DEPDC4: variants seen among roughly 807,000 people sequenced by gnomAD.
The protein encoded by DEPDC4 is DEP domain-containing protein 4.
In DEPDC4, 52 loss-of-function variants were observed where a neutral mutation model predicts 52.0. That is an observed-to-expected ratio of 1.00 (90% CI 0.80 to 1.26). The LOEUF (loss-of-function observed/expected upper bound fraction) is 1.26. Ranked by LOEUF, DEPDC4 falls within the 50% of genes most tolerant of loss-of-function variation. DEPDC4 has a pLI of 0.00. For missense variants in DEPDC4, 530 were observed against 546.9 expected (o/e 0.97, Z 0.31); for synonymous variants, 201 against 196.8 (o/e 1.02, Z -0.18).
upstream of DEPDC4, among the ~76,000 whole-genome samples, chr12:100,268,183 A>G (rs1028481809): frequency 6.6e-5 from 10 of 152,196 alleles, no homozygotes; most frequent in Admixed American, 3.3e-4. Context: ...GGTGTCAACT[A>G]TTTTTTAGTA....
chr12:100,266,125 C>T (rs950988601), intron 1 of DEPDC4, among the ~76,000 whole-genome samples: 1 of 152,032 alleles, frequency 6.6e-6, no homozygotes, highest in Admixed American at 6.6e-5. Flanking sequence ...AAGGGAATAA[C>T]TTAGAACTTC....
rs145351198 is a variant in DEPDC4 at position 100,256,299 on chromosome 12, G to A, written c.701-73C>T. The stretch of plus-strand genomic sequence containing the variant: ...ACACATTCAACCAATATTATAAATC[G>A]TTCTATTTCTAAATAATACAAAAGT... On this transcript the variant is annotated intron_variant, in intron 3 of 9. Transcript: ENST00000550587. 4.6e-4 allele frequency: 516 copies of A among 1,127,760 alleles called. 1 individual carries two copies. Among genetic ancestry groups the A allele is most frequent in the Non-Finnish European group, 5.4e-4 (432 of 799,694 alleles). The allele number at this position is 1,127,760 out of a possible 1,614,324, so 69.9% of individuals were successfully genotyped here. A position where few individuals can be genotyped will look rare whatever the true frequency, so the allele number is the denominator to read the frequency against.
chr12:100,258,396 G>C lies in DEPDC4; in HGVS notation c.701-2170C>G, dbSNP rs180939701. Among the ~76,000 whole-genome samples the C allele has an allele frequency of 2.0e-4, 31 of 152,176 alleles. No homozygotes were observed. In the East Asian group the frequency reaches 4.6e-3, roughly 23 times the overall value. ...TGAATAAGAGATCGGAATTAGAACA[G>C]AGAAGGTAGAGTTAGGGAGAAATGG... is the stretch of plus-strand genomic sequence containing the variant. On this transcript the variant is annotated intron_variant, in intron 3 of 9. Coordinates refer to ENST00000550587, the MANE Select transcript of DEPDC4 (RefSeq NM_001364818.2).
chr12:100,263,300 G>A (rs753881250), intron 2 of DEPDC4, among the ~76,000 whole-genome samples, 197 bp downstream of exon 2: 20 of 152,064 alleles, frequency 1.3e-4, no homozygotes, highest in Non-Finnish European at 1.9e-4. Flanking sequence ...ACAAAGTTGT[G>A]CAGCCATCAC....
the DEPDC4 span, among the ~76,000 whole-genome samples, chr12:100,276,868 C>A: frequency 6.6e-6 from 1 of 151,910 alleles, no homozygotes; most frequent in African/African-American, 2.4e-5. Flanking sequence ...TTTTAAACTC[C>A]CTAATATAAA....
chr12:100,251,939 A>G (rs1566315518), intron 7 of DEPDC4, among the ~76,000 whole-genome samples: 1 of 152,050 alleles, frequency 6.6e-6, no homozygotes. Flanking sequence ...GGCTCTAGTG[A>G]TCCACATGCC....
At chr12:100,260,653 A>G (rs942110473) in intron 3 of DEPDC4, among the ~76,000 whole-genome samples, 8 of 149,788 alleles carry the variant, frequency 5.3e-5, no homozygotes, top group Admixed American at 4.0e-4. Context: ...AGGCGGGTGG[A>G]TAACTTGAGG....
upstream of DEPDC4, among the ~76,000 whole-genome samples, chr12:100,271,380 G>C (rs1488308715): frequency 1.3e-5 from 2 of 151,374 alleles, no homozygotes; most frequent in Non-Finnish European, 2.9e-5. Flanking sequence ...CCCAGATTTT[G>C]TGAAGTATTT....
Position 100,259,081 on chromosome 12 carries a change from A to AATATATATATATATAT in DEPDC4, c.701-2856_701-2855insATATATATATATATAT, listed in dbSNP as rs1555312802. Among the ~76,000 whole-genome samples the AATATATATATATATAT allele has an allele frequency of 1.2e-4, 18 of 149,186 alleles. 1 individual carries two copies. The highest frequency in any genetic ancestry group is 4.0e-4 in the Admixed American group (6 of 15,046). The stretch of plus-strand genomic sequence containing the variant: ...GCAAAAATCTGTCTCAAAAAAAAAA[A>AATATATATATATATAT]ATATATATATATATCCCATGTACCC... On this transcript the variant is annotated intron_variant, in intron 3 of 9. Coordinates refer to ENST00000550587, the MANE Select transcript of DEPDC4 (RefSeq NM_001364818.2).
intron 2 of DEPDC4, among the ~76,000 whole-genome samples, chr12:100,263,033 C>T (rs1399368272): frequency 1.3e-5 from 2 of 152,206 alleles, no homozygotes; most frequent in Non-Finnish European, 2.9e-5. Flanking sequence ...TCTTGGCTAA[C>T]TGCAACCTCC....
chr12:100,271,731 C>G (rs868831545), upstream of DEPDC4, among the ~76,000 whole-genome samples: 2 of 152,016 alleles, frequency 1.3e-5, no homozygotes, highest in African/African-American at 2.4e-5. Flanking sequence ...GTGACTTCAA[C>G]AAAAATGGAA....
intron 8 of DEPDC4, among the ~76,000 whole-genome samples, chr12:100,245,327 C>T (rs571356640): frequency 5.9e-5 from 9 of 152,144 alleles, no homozygotes; most frequent in East Asian, 3.9e-4. Context: ...AGCGTAGTGG[C>T]GAGATCTCGG....
At chr12:100,243,721 A>G (rs2096170372) in intron 8 of DEPDC4, among the ~76,000 whole-genome samples, 1 of 151,552 alleles carries the variant, frequency 6.6e-6, no homozygotes, top group South Asian at 2.1e-4. Flanking sequence ...TTGACCTTGC[A>G]CTGCTCTGGT....
chr12:100,275,028 A>G, the DEPDC4 span, among the ~76,000 whole-genome samples: 2 of 152,190 alleles, frequency 1.3e-5, no homozygotes, highest in African/African-American at 2.4e-5. Flanking sequence ...TCATGATCAC[A>G]GTATATATCG....
chr12:100,277,621 G>A, the DEPDC4 span, among the ~76,000 whole-genome samples: 1 of 152,104 alleles, frequency 6.6e-6, no homozygotes, highest in African/African-American at 2.4e-5. Context: ...TTTGTAAGCA[G>A]CATATAGTTA....
Position 100,244,535 on chromosome 12 carries a change from C to T in DEPDC4, c.1454-1966G>A, listed in dbSNP as rs369851290. ...TGTCACCCCAGCTGTAGTGCAGTGG[C>T]GTTGATCATGGCTCATTGCAGCCTG... On this transcript the variant is annotated intron_variant, in intron 8 of 9. Coordinates refer to ENST00000550587, the MANE Select transcript of DEPDC4 (RefSeq NM_001364818.2). Among the ~76,000 whole-genome samples the T allele has an allele frequency of 2.1e-4, 32 of 151,894 alleles. No homozygotes were observed. The East Asian group carries it at 5.3e-3, about 25-fold the overall frequency.
intron 8 of DEPDC4, among the ~76,000 whole-genome samples, chr12:100,247,731 G>A (rs2096191896): frequency 6.6e-6 from 1 of 152,098 alleles, no homozygotes; most frequent in South Asian, 2.1e-4. Flanking sequence ...ACACCAAATA[G>A]GATGCATGTG....
the DEPDC4 span, among the ~76,000 whole-genome samples, chr12:100,275,725 T>C: frequency 3.9e-5 from 6 of 152,334 alleles, no homozygotes; most frequent in African/African-American, 1.2e-4. Context: ...TGAATAGAAG[T>C]GGTAAAAGTG....
chr12:100,257,561 G>A (rs1286007364), intron 3 of DEPDC4: 1 of 151,720 alleles, frequency 6.6e-6, no homozygotes, highest in Non-Finnish European at 1.5e-5. Flanking sequence ...TTTTAGTAGA[G>A]ACGGGGTTTC....
Sources: allele counts gnomAD v4.1 joint callset (sites outside exome capture counted in the v4.1 genomes callset), GRCh38; gene constraint gnomAD v4.1.1; transcripts MANE v1.5; gene names NCBI Gene and HGNC (gene_info 2026-07-23, HGNC 2026-07-21).